Variants in SEC62 observed in about 807,000 individuals in gnomAD.
SEC62 encodes SEC62 preprotein translocation factor, also known as translocation protein SEC62.
In SEC62, 10 loss-of-function variants were observed where a neutral mutation model predicts 47.5. The observed-to-expected ratio is 0.21, with a 90% CI of 0.13 to 0.36. The LOEUF is 0.36. Among genes scored for constraint, SEC62 ranks in the 10% least tolerant of loss-of-function variants. SEC62 has a pLI of 1.00. For missense variants in SEC62, 327 were observed against 464.1 expected (o/e 0.70, Z 2.71); for synonymous variants, 136 against 150.5 (o/e 0.90, Z 0.71).
chr3:169,966,937 G>C, intron 1 of SEC62, 79 bp downstream of exon 1: 1 of 1,029,202 alleles, frequency 9.7e-7, no homozygotes, highest in South Asian at 1.4e-5. Flanking sequence ...CTAAAAGGGC[G>C]AGCGAAAGCA....
In SEC62 at chr3:169,982,788, T is replaced by C. The variant is rs142871056; in HGVS notation, c.333T>C (p.Asp111=). The change falls in exon 4 of 8, where the codon GAT becomes GAC. Residue 111 remains aspartate (D), a synonymous_variant. Coordinates refer to ENST00000337002, the MANE Select transcript of SEC62 (RefSeq NM_003262.4). ...ATAAAGACATAAAGAAAGAAAAAGA[T>C]AAAGGAAAAGCTGAAAGTGGAAAAG... The part of the protein sequence containing the change: ...KYDKDIKKEK[D]KGKAESGKEE... The C allele has an allele frequency of 3.5e-5, 55 of 1,561,600 alleles. No individual in the cohort carries two copies. In the African/African-American group the frequency reaches 8.1e-4, roughly 23 times the overall value.
rs960973348 is a variant in SEC62 at position 169,993,867 on chromosome 3, T to G, written c.*804T>G. On this transcript the variant is annotated 3_prime_UTR_variant, in exon 8 of 8. Transcript: ENST00000337002. Reference sequence around the variant, plus strand: ...AGATATTTCTCAACACTTAAATTCATAAAATTAAGACCATGTAAGGGTATG... The same window carrying G: ...AGATATTTCTCAACACTTAAATTCAGAAAATTAAGACCATGTAAGGGTATG... The G allele has an allele frequency of 6.5e-5, 10 of 152,766 alleles. No homozygotes were observed. The highest frequency in any genetic ancestry group is 2.4e-4 in the African/African-American group (10 of 41,580). 9.5% of individuals were successfully genotyped at this position (152,766 alleles called of 1,614,324 possible). A position where few individuals can be genotyped will look rare whatever the true frequency, so the allele number is the denominator to read the frequency against.
chr3:169,979,997 G>A lies in SEC62; in HGVS notation c.252-2710G>A, dbSNP rs143375327. Among the ~76,000 whole-genome samples the A allele has an allele frequency of 2.2e-3, 341 of 152,106 alleles. 1 individual carries two copies. The highest frequency in any genetic ancestry group is 3.6e-3 in the Non-Finnish European group (244 of 67,996). The stretch of plus-strand genomic sequence containing the variant: ...TTAAATCTGAAAAAAAAATGGAAGT[G>A]AAGGAAAAAAATACAGAAGTAATTT... On this transcript the variant is annotated intron_variant, in intron 3 of 7. Transcript: ENST00000337002.
intron 1 of SEC62, among the ~76,000 whole-genome samples, chr3:169,970,773 C>A (rs1275548099): frequency 6.6e-6 from 1 of 152,170 alleles, no homozygotes; most frequent in Non-Finnish European, 1.5e-5. Flanking sequence ...AAGAAGTTCT[C>A]TCCATTTGTT....
chr3:169,988,760 A>G (rs1173227581), intron 7 of SEC62, among the ~76,000 whole-genome samples: 3 of 152,154 alleles, frequency 2.0e-5, no homozygotes, highest in South Asian at 4.1e-4. Flanking sequence ...GAAATATACC[A>G]TACATTATTA....
rs1715268972 is a variant in SEC62, at chr3:169,992,410, T to A, written c.731-184T>A. 6.6e-6 allele frequency among the ~76,000 whole-genome samples: 1 copy of A among 152,124 alleles called. No individual in the cohort carries two copies. Among genetic ancestry groups the A allele is most frequent in the Admixed American group, 6.6e-5 (1 of 15,256 alleles). On this transcript the variant is annotated intron_variant, in intron 7 of 7. Transcript: ENST00000337002. This position sits in a 1 kb window ranked among gnomAD's most constrained non-coding sequence, Gnocchi z 4.0. ...TCGAGCTCCTGGGCTCAAGTGATCC[T>A]CCCAAGTAGCTTGGATTAGAGGTTT...
intron 1 of SEC62, 28 bp downstream of exon 1, chr3:169,966,886 G>T: frequency 6.4e-7 from 1 of 1,551,334 alleles, no homozygotes; most frequent in Non-Finnish European, 8.7e-7. Context: ...TGGGCAGGGG[G>T]CTTCGGCGCG....
rs1714535845 is a variant in SEC62 at position 169,966,852 on chromosome 3, G to C, written c.30G>C (p.Arg10=). ...CGGAACGCAGGAGACACAAGAAGCG[G>C]ATCCAGGTAGCAAAGCCGAGCTCTG... The part of the protein sequence containing the change: MAERRRHKK[R]IQEVGEPSKE... The change falls in exon 1 of 8, where the codon CGG becomes CGC. Residue 10 remains arginine (R), a synonymous_variant. Coordinates refer to ENST00000337002, the MANE Select transcript of SEC62 (RefSeq NM_003262.4). 2.6e-6 allele frequency: 4 copies of C among 1,556,346 alleles called. No individual in the cohort carries two copies. The highest frequency in any genetic ancestry group is 1.4e-5 in the African/African-American group (1 of 73,412).
intron 6 of SEC62, among the ~76,000 whole-genome samples, chr3:169,987,991 A>G (rs759466344): frequency 4.6e-5 from 7 of 152,206 alleles, no homozygotes; most frequent in East Asian, 1.9e-4. Flanking sequence ...TTGAATTTCT[A>G]CATAGCATTT....
chr3:169,993,327 A>C lies in SEC62; in HGVS notation c.*264A>C, dbSNP rs1269995601. The C allele has an allele frequency of 1.2e-5, 4 of 324,074 alleles. No homozygotes were observed. The highest frequency in any genetic ancestry group is 2.3e-5 in the Non-Finnish European group (4 of 177,526). 20.1% of individuals were successfully genotyped at this position (324,074 alleles called of 1,614,324 possible). A position where few individuals can be genotyped will look rare whatever the true frequency, so the allele number is the denominator to read the frequency against. ...TCATTCATTTTGACAGTTATCAAAGATGTACTTTCCACAGTTAAATTTACA... is the reference window on the plus strand; with the variant it reads ...TCATTCATTTTGACAGTTATCAAAGCTGTACTTTCCACAGTTAAATTTACA... On this transcript the variant is annotated 3_prime_UTR_variant, in exon 8 of 8. Coordinates refer to ENST00000337002, the MANE Select transcript of SEC62 (RefSeq NM_003262.4).
Position 169,992,880 on chromosome 3 carries a change from G to A in SEC62, c.1017G>A (p.Arg339=), listed in dbSNP as rs1331294732. 2 of 1,614,034 alleles carry A rather than the reference G, an allele frequency of 1.2e-6. No homozygotes were observed. Among genetic ancestry groups the A allele is most frequent in the East Asian group, 4.5e-5 (2 of 44,880 alleles). The change falls in exon 8 of 8, where the codon CGG becomes CGA. Residue 339 remains arginine (R), a synonymous_variant. Transcript: ENST00000337002. This position sits in a 1 kb window ranked among gnomAD's most constrained non-coding sequence, Gnocchi z 4.0. ...GAACAGAAGGCTCGGGGGGAGAACG[G>A]CATTCAGACACGGACAGTGACAGGA... ...NHGTEGSGGE[R]HSDTDSDRRE...
chr3:169,997,046 A>C lies in SEC62; in HGVS notation c.*3983A>C, dbSNP rs545171149. 1 of 152,248 alleles carries C rather than the reference A, an allele frequency of 6.6e-6. No individual in the cohort carries two copies. Among genetic ancestry groups the C allele is most frequent in the Admixed American group, 6.5e-5 (1 of 15,284 alleles). The allele number at this position is 152,248 out of a possible 1,614,324, so 9.4% of individuals were successfully genotyped here. On this transcript the variant is annotated 3_prime_UTR_variant, in exon 8 of 8. Transcript: ENST00000337002. ...GCATGTTGTAAGCATTTTGATAACT[A>C]AAATCCTGTTCTAGTGAATGTCATG...
At chr3:169,981,368 T>C (rs1714969166) in intron 3 of SEC62, among the ~76,000 whole-genome samples, 1 of 152,116 alleles carries the variant, frequency 6.6e-6, no homozygotes, top group Admixed American at 6.5e-5. Flanking sequence ...GAAACATAGG[T>C]GCTTCAGGGG....
intron 1 of SEC62, among the ~76,000 whole-genome samples, chr3:169,967,856 TTTTC>T (rs888133809): frequency 6.6e-6 from 1 of 151,654 alleles, no homozygotes; most frequent in African/African-American, 2.4e-5. Context: ...TAGAATGATT[TTTTC>T]TTTCTTCCAT....
chr3:169,988,977 C>G (rs980177737), intron 7 of SEC62, among the ~76,000 whole-genome samples: 4 of 151,696 alleles, frequency 2.6e-5, no homozygotes, highest in South Asian at 4.2e-4. Context: ...TGGGAAAAAT[C>G]AATAATTTTC....
At chr3:169,978,184 C>T (rs1714881318) in intron 3 of SEC62, among the ~76,000 whole-genome samples, 1 of 151,974 alleles carries the variant, frequency 6.6e-6, no homozygotes, top group African/African-American at 2.4e-5. Flanking sequence ...GAGGCTGAGG[C>T]AGGAGAATGG....
rs1474420471 is a variant in SEC62, at chr3:169,997,630, C to A, written c.*4567C>A. On this transcript the variant is annotated 3_prime_UTR_variant, in exon 8 of 8. Transcript: ENST00000337002. ...TACAGGCACATGCCACCACACCCAG[C>A]TAATTTTTGTATTTTTTAGTAGAGA... 1.3e-5 allele frequency: 2 copies of A among 152,224 alleles called. No homozygotes were observed. The highest frequency in any genetic ancestry group is 4.8e-5 in the African/African-American group (2 of 41,418). 9.4% of individuals were successfully genotyped at this position (152,224 alleles called of 1,614,324 possible). A position where few individuals can be genotyped will look rare whatever the true frequency, so the allele number is the denominator to read the frequency against.
rs750878761 is a variant in SEC62 at position 169,988,221 on chromosome 3, T to C, written c.611-19T>C. 223 of 1,612,776 alleles carry C rather than the reference T, an allele frequency of 1.4e-4. No homozygotes were observed. Among genetic ancestry groups the C allele is most frequent in the Admixed American group, 2.5e-4 (15 of 59,978 alleles). Reference sequence around the variant, plus strand: ...AAGTTTTTATTCTAAAATTTAACTTTTGTCATTTCTTGTTCCAGTGATTGC... The same window carrying C: ...AAGTTTTTATTCTAAAATTTAACTTCTGTCATTTCTTGTTCCAGTGATTGC... On this transcript the variant is annotated intron_variant, in intron 6 of 7. Coordinates refer to ENST00000337002, the MANE Select transcript of SEC62 (RefSeq NM_003262.4).
chr3:169,977,092 A>G, intron 3 of SEC62, 41 bp downstream of exon 3: 1 of 1,431,216 alleles, frequency 7.0e-7, no homozygotes, highest in Non-Finnish European at 9.7e-7. Flanking sequence ...TAATAATTTT[A>G]AATTTTCTTC....
Sources: gnomAD v4.1 joint callset for allele counts (sites outside exome capture counted in the v4.1 genomes callset) on GRCh38, gnomAD v4.1.1 for gene constraint, Gnocchi (gnomAD v3.1) non-coding constraint, MANE v1.5 for transcripts, NCBI Gene and HGNC (gene_info 2026-07-23, HGNC 2026-07-21) for gene names.